The following CNIH3 variants were observed in gnomAD, a reference collection of about 807,000 sequenced individuals.
CNIH3 encodes the protein cornichon family AMPA receptor auxiliary protein 3.
CNIH3 carries 14 observed loss-of-function variants against 24.1 expected under a neutral mutation model. That is an observed-to-expected ratio of 0.58 (90% CI 0.38 to 0.91). The LOEUF is 0.91. Ranked by LOEUF, CNIH3 falls within the 40% of genes least tolerant of loss-of-function variation. The probability of loss-of-function intolerance (pLI) is 0.00; values close to 1 mark genes in which losing one functional copy is unlikely to be tolerated. For missense variants in CNIH3, 178 were observed against 196.8 expected (o/e 0.90, Z 0.57); for synonymous variants, 68 against 73.8 (o/e 0.92, Z 0.40).
At chr1:224,640,857 C>A (rs7521396) in intron 1 of CNIH3, among the ~76,000 whole-genome samples, 1 of 151,948 alleles carries the variant, frequency 6.6e-6, no homozygotes, top group African/African-American at 2.4e-5. Context: ...AGGGGCTGTT[C>A]GGGGCAGGCT....
intron 1 of CNIH3, among the ~76,000 whole-genome samples, chr1:224,667,474 G>A (rs1572689421): frequency 6.6e-6 from 1 of 152,130 alleles, no homozygotes. Flanking sequence ...AGAGAAAAAG[G>A]CAGCGATCTC....
At chr1:224,737,418 T>A (rs538980213) in intron 5 of CNIH3, among the ~76,000 whole-genome samples, 5 of 152,332 alleles carry the variant, frequency 3.3e-5, no homozygotes, top group Admixed American at 3.3e-4. Context: ...TCCTGCAGCC[T>A]CACTGGGACC....
intron 3 of CNIH3, among the ~76,000 whole-genome samples, chr1:224,562,981 T>C (rs1680435548): frequency 6.6e-6 from 1 of 152,184 alleles, no homozygotes; most frequent in South Asian, 2.1e-4. Flanking sequence ...TCCAGCACTT[T>C]GGGAAACTGT....
At chr1:224,508,564 C>T (rs1196944613) in intron 1 of CNIH3, among the ~76,000 whole-genome samples, 1 of 152,194 alleles carries the variant, frequency 6.6e-6, no homozygotes, top group African/African-American at 2.4e-5. Context: ...AATCTTACTT[C>T]CAGTTCCTTC....
rs560353303 is a variant in CNIH3, at chr1:224,731,572, A to G, written c.311+998A>G. 3.3e-5 allele frequency among the ~76,000 whole-genome samples: 5 copies of G among 152,374 alleles called. No homozygotes were observed. The South Asian group carries it at 1.0e-3, about 32-fold the overall frequency. Reference sequence around the variant, plus strand: ...TCTGGCTTGAATTTAGCCACACCTAAGACATGCACTCCTTCATTTAGAAAA... The same window carrying G: ...TCTGGCTTGAATTTAGCCACACCTAGGACATGCACTCCTTCATTTAGAAAA... On this transcript the variant is annotated intron_variant, in intron 4 of 5. Transcript: ENST00000272133.
At chr1:224,606,243 GA>G (rs1163958502) in intron 3 of CNIH3, among the ~76,000 whole-genome samples, 1 of 152,190 alleles carries the variant, frequency 6.6e-6, no homozygotes, top group Non-Finnish European at 1.5e-5. Flanking sequence ...GGGTCAGGGT[GA>G]CAGCATTTGT....
chr1:224,739,466 T>C lies in CNIH3; in HGVS notation c.*110T>C, dbSNP rs1489716527. On this transcript the variant is annotated 3_prime_UTR_variant, in exon 6 of 6. Transcript: ENST00000272133. Reference sequence around the variant, plus strand: ...GACCAGAATGAGGATACGTGAGAAATAGACCCGGCAGGCAGTCAGACTGAA... The same window carrying C: ...GACCAGAATGAGGATACGTGAGAAACAGACCCGGCAGGCAGTCAGACTGAA... The C allele has an allele frequency of 5.1e-6, 8 of 1,561,160 alleles. No individual in the cohort carries two copies. In the Admixed American group the frequency reaches 1.0e-4, roughly 20 times the overall value.
intron 1 of CNIH3, among the ~76,000 whole-genome samples, chr1:224,490,967 T>C (rs1572351432): frequency 1.3e-5 from 2 of 152,186 alleles, no homozygotes; most frequent in South Asian, 4.1e-4. Flanking sequence ...TTGAACACAG[T>C]TTAAACACTT....
At chr1:224,564,735 A>C (rs1178528954) in intron 3 of CNIH3, among the ~76,000 whole-genome samples, 2 of 152,172 alleles carry the variant, frequency 1.3e-5, no homozygotes, top group Non-Finnish European at 2.9e-5. Flanking sequence ...ACCTCAATGC[A>C]CTCTGCCAGC....
intron 1 of CNIH3, among the ~76,000 whole-genome samples, chr1:224,443,571 T>C (rs1050999117): frequency 6.6e-6 from 1 of 151,982 alleles, no homozygotes; most frequent in African/African-American, 2.4e-5. Flanking sequence ...GAGTCTTCTG[T>C]TTTAGACAAA....
At chr1:224,662,272 G>C (rs562417765) in intron 1 of CNIH3, among the ~76,000 whole-genome samples, 1 of 152,084 alleles carries the variant, frequency 6.6e-6, no homozygotes, top group Non-Finnish European at 1.5e-5. Flanking sequence ...TCTAGATTAC[G>C]TATGAGAGCT....
chr1:224,577,923 CTGGA>C (rs1202765608), intron 4 of CNIH3, among the ~76,000 whole-genome samples: 2 of 152,182 alleles, frequency 1.3e-5, no homozygotes, highest in East Asian at 3.9e-4. Flanking sequence ...TCAAAACAAT[CTGGA>C]TGGAGTTGGA....
At chr1:224,542,756 G>T (rs1679561152) in intron 2 of CNIH3, among the ~76,000 whole-genome samples, 1 of 152,180 alleles carries the variant, frequency 6.6e-6, no homozygotes, top group Non-Finnish European at 1.5e-5. Context: ...GCCACTGTAA[G>T]CTCCACTCTT....
intron 3 of CNIH3, among the ~76,000 whole-genome samples, chr1:224,609,379 C>A (rs1682578267): frequency 6.6e-6 from 1 of 151,938 alleles, no homozygotes; most frequent in South Asian, 2.1e-4. Flanking sequence ...ACATCCAAAC[C>A]CCACCAAGAG....
At chr1:224,493,878 G>A (rs1382639530) in intron 1 of CNIH3, among the ~76,000 whole-genome samples, 2 of 152,122 alleles carry the variant, frequency 1.3e-5, no homozygotes, top group Non-Finnish European at 2.9e-5. Flanking sequence ...ACAGCCCAGA[G>A]TCCCGTCATT....
At chr1:224,549,251 T>A (rs1679822169) in intron 3 of CNIH3, among the ~76,000 whole-genome samples, 1 of 152,126 alleles carries the variant, frequency 6.6e-6, no homozygotes, top group Non-Finnish European at 1.5e-5. Flanking sequence ...TGATATTTCC[T>A]TAATATCACA....
At chr1:224,498,772 G>C (rs1264208824) in intron 1 of CNIH3, among the ~76,000 whole-genome samples, 2 of 152,228 alleles carry the variant, frequency 1.3e-5, no homozygotes, top group Non-Finnish European at 2.9e-5. Flanking sequence ...AGATGCGGGG[G>C]GCAAGGAACC....
chr1:224,665,401 A>T (rs1685546092), intron 1 of CNIH3, among the ~76,000 whole-genome samples: 1 of 152,208 alleles, frequency 6.6e-6, no homozygotes, highest in Non-Finnish European at 1.5e-5. Context: ...GAAAAGTTTA[A>T]AACGTTTTAT....
intron 1 of CNIH3, among the ~76,000 whole-genome samples, chr1:224,654,989 C>T (rs1306218376): frequency 6.6e-6 from 1 of 152,110 alleles, no homozygotes; most frequent in Non-Finnish European, 1.5e-5. Flanking sequence ...AAACAGATCG[C>T]ACATGCAAAG....
Sources: allele counts gnomAD v4.1 joint callset (sites outside exome capture counted in the v4.1 genomes callset), GRCh38; gene constraint gnomAD v4.1.1; transcripts MANE v1.5; gene names NCBI Gene and HGNC (gene_info 2026-07-23, HGNC 2026-07-21).